Variants in DACH1 observed in about 807,000 individuals in gnomAD.
DACH1 encodes the protein dachshund homolog 1.
In DACH1, 12 loss-of-function variants were observed where a neutral mutation model predicts 54.2. That is an observed-to-expected ratio of 0.22 (90% CI 0.14 to 0.36). The LOEUF (loss-of-function observed/expected upper bound fraction) is 0.36. Among genes scored for constraint, DACH1 ranks in the 10% least tolerant of loss-of-function variants. The pLI is 1.00. For missense variants in DACH1, 805 were observed against 929.8 expected, an observed-to-expected ratio of 0.87 and a Z score of 1.75; for synonymous variants, 386 against 366.2, an observed-to-expected ratio of 1.05 and a Z score of -0.62.
intron 1 of DACH1, among the ~76,000 whole-genome samples, chr13:71,733,886 T>A: frequency 6.6e-6 from 1 of 151,842 alleles, no homozygotes; most frequent in African/African-American, 2.4e-5. Flanking sequence ...CCTTCTCTAC[T>A]AAAAATACAA....
intron 1 of DACH1, among the ~76,000 whole-genome samples, chr13:71,751,122 C>A (rs1161305803): frequency 6.6e-6 from 1 of 152,090 alleles, no homozygotes; most frequent in Non-Finnish European, 1.5e-5. Context: ...ACAAATCTGC[C>A]CCTTTTCCCT....
intron 2 of DACH1, among the ~76,000 whole-genome samples, chr13:71,634,634 T>C (rs1330714247): frequency 1.3e-5 from 2 of 152,102 alleles, no homozygotes; most frequent in Admixed American, 6.6e-5. Context: ...AGGAAAGAGC[T>C]CTCAACATCT....
intron 1 of DACH1, among the ~76,000 whole-genome samples, chr13:71,838,496 A>T (rs920317861): frequency 6.6e-5 from 10 of 152,228 alleles, no homozygotes; most frequent in African/African-American, 2.4e-4. Flanking sequence ...AAGAGTTAAA[A>T]ATACTACATA....
chr13:71,459,127 T>C (rs1165890816), intron 10 of DACH1, among the ~76,000 whole-genome samples: 1 of 151,928 alleles, frequency 6.6e-6, no homozygotes, highest in East Asian at 1.9e-4. Flanking sequence ...TAGGAAATGC[T>C]AGTTCAATAA....
intron 3 of DACH1, chr13:71,573,570 C>A: frequency 1.8e-6 from 1 of 546,246 alleles, no homozygotes; most frequent in Non-Finnish European, 3.3e-6. Context: ...ACCATCACTG[C>A]TGCCTGTGGG....
At chr13:71,663,810 G>A (rs115118743) in intron 2 of DACH1, among the ~76,000 whole-genome samples, 2,115 of 151,916 alleles carry the variant, frequency 0.014, 37 homozygotes, top group African/African-American at 0.034. Flanking sequence ...GGTATTTGAC[G>A]ATAGTTGATA....
intron 1 of DACH1, among the ~76,000 whole-genome samples, chr13:71,833,288 T>C (rs1046101213): frequency 2.6e-5 from 4 of 152,070 alleles, no homozygotes; most frequent in Admixed American, 6.6e-5. Context: ...CAGAGCTAGG[T>C]TATTTAAAGA....
chr13:71,749,424 AG>A (rs952666409), intron 1 of DACH1, among the ~76,000 whole-genome samples: 13 of 150,994 alleles, frequency 8.6e-5, no homozygotes, highest in African/African-American at 1.7e-4. Flanking sequence ...ATTTTTTTTG[AG>A]GGGGGGGCAT....
chr13:71,759,210 C>T (rs1319954836), intron 1 of DACH1, among the ~76,000 whole-genome samples: 6 of 150,774 alleles, frequency 4.0e-5, no homozygotes, highest in Non-Finnish European at 8.9e-5. Context: ...TATTTTTGTC[C>T]CTAAAAAAAA....
chr13:71,595,543 A>C (rs1874036720), intron 3 of DACH1, among the ~76,000 whole-genome samples: 1 of 152,134 alleles, frequency 6.6e-6, no homozygotes, highest in Admixed American at 6.6e-5. Flanking sequence ...GATGTATAAC[A>C]GAGGGAAGAA....
Position 71,489,151 on chromosome 13 carries a change from G to T in DACH1, c.1571-3C>A, listed in dbSNP as rs755282417. 2 of 1,610,436 alleles carry T rather than the reference G, an allele frequency of 1.2e-6. No homozygotes were observed. The highest frequency in any genetic ancestry group is 1.7e-6 in the Non-Finnish European group (2 of 1,177,916). On this transcript the variant is annotated splice_polypyrimidine_tract_variant and splice_region_variant and intron_variant, in intron 6 of 10. Transcript: ENST00000613252. Reference sequence around the variant, plus strand: ...TGGTGTAGAAAGCGGGGTCTCATCTGCATGTGATTGAAACAAAAATATAGA... The same window carrying T: ...TGGTGTAGAAAGCGGGGTCTCATCTTCATGTGATTGAAACAAAAATATAGA...
intron 3 of DACH1, among the ~76,000 whole-genome samples, chr13:71,588,954 C>A (rs1373695255): frequency 6.6e-6 from 1 of 151,688 alleles, no homozygotes; most frequent in Non-Finnish European, 1.5e-5. Flanking sequence ...AAGTCAATGT[C>A]CATCATAATC....
chr13:71,471,843 A>G (rs1175333754), intron 10 of DACH1, among the ~76,000 whole-genome samples: 1 of 152,202 alleles, frequency 6.6e-6, no homozygotes, highest in East Asian at 1.9e-4. Context: ...ATGACGACTT[A>G]GCTGAAGAAA....
chr13:71,572,810 G>C lies in DACH1; in HGVS notation c.1299+30C>G, dbSNP rs200752039. 1.1e-4 allele frequency: 173 copies of C among 1,594,544 alleles called. 1 individual carries two copies. The highest frequency in any genetic ancestry group is 1.5e-4 in the Non-Finnish European group (170 of 1,169,112). ...AGGGATGGTGGCTTAAGATGAACAT[G>C]CCAAAATAATTGTATAAAAAAAGAA... On this transcript the variant is annotated intron_variant, in intron 4 of 10. Transcript: ENST00000613252.
chr13:71,596,185 G>A (rs1423562102), intron 3 of DACH1, among the ~76,000 whole-genome samples: 1 of 151,842 alleles, frequency 6.6e-6, no homozygotes, highest in Non-Finnish European at 1.5e-5. Context: ...TCATTTTTTA[G>A]GTTTTCACTG....
chr13:71,732,545 A>G (rs2137915741), intron 1 of DACH1, among the ~76,000 whole-genome samples: 1 of 150,644 alleles, frequency 6.6e-6, no homozygotes, highest in East Asian at 2.0e-4. Flanking sequence ...AGACCACGCC[A>G]CTGCACTCCA....
At chr13:71,500,809 T>C (rs1879852746) in intron 6 of DACH1, among the ~76,000 whole-genome samples, 1 of 152,096 alleles carries the variant, frequency 6.6e-6, no homozygotes, top group African/African-American at 2.4e-5. Context: ...CTCAAACTTC[T>C]ATCTAAGAGG....
In DACH1 at chr13:71,789,493, T is replaced by C. The variant is rs73525480; in HGVS notation, c.848+76429A>G. ...TTTATCATATGTGCATATAAGTCTA[T>C]ATATATAATAAACATATCAAAAGTT... On this transcript the variant is annotated intron_variant, in intron 1 of 10. Transcript: ENST00000613252. 7.8e-3 allele frequency among the ~76,000 whole-genome samples: 1,194 copies of C among 152,246 alleles called. 7 individuals are homozygous for C. Among genetic ancestry groups the C allele is most frequent in the African/African-American group, 0.027 (1,136 of 41,560 alleles).
At chr13:71,545,353 G>A (rs898533452) in intron 6 of DACH1, among the ~76,000 whole-genome samples, 2 of 151,940 alleles carry the variant, frequency 1.3e-5, no homozygotes, top group South Asian at 4.1e-4. Context: ...TGTTATTATG[G>A]AATGGATAAT....
Sources: gnomAD v4.1 joint callset for allele counts (sites outside exome capture counted in the v4.1 genomes callset) on GRCh38, gnomAD v4.1.1 for gene constraint, MANE v1.5 for transcripts, NCBI Gene and HGNC (gene_info 2026-07-23, HGNC 2026-07-21) for gene names.